The following KALRN variants were observed in gnomAD, a reference collection of about 807,000 sequenced individuals.
KALRN encodes kalirin RhoGEF kinase, also known as kalirin.
A neutral mutation model predicts 353.7 loss-of-function variants in KALRN; 70 were observed. The observed-to-expected ratio is 0.20, with a 90% CI of 0.16 to 0.24. The LOEUF is 0.24. Ranked by LOEUF, KALRN falls within the 10% of genes least tolerant of loss-of-function variation. The probability of loss-of-function intolerance (pLI) is 1.00; values close to 1 mark genes in which losing one functional copy is unlikely to be tolerated. For missense variants in KALRN, 2,791 were observed against 3,756.7 expected (o/e 0.74, Z 6.72); for synonymous variants, 1,391 against 1,434.8 (o/e 0.97, Z 0.69).
chr3:124,261,271 C>T (rs1481955385), intron 3 of KALRN, among the ~76,000 whole-genome samples: 2 of 152,126 alleles, frequency 1.3e-5, no homozygotes, highest in African/African-American at 4.8e-5. Flanking sequence ...TTTATGCCTC[C>T]ATTTCATCTT....
chr3:124,615,578 T>A (rs2078490909), intron 34 of KALRN, among the ~76,000 whole-genome samples: 1 of 152,196 alleles, frequency 6.6e-6, no homozygotes, highest in Non-Finnish European at 1.5e-5. Flanking sequence ...ATTGGAGGAA[T>A]CTGAGTAAAG....
chr3:124,105,566 A>T (rs1434378294), intron 1 of KALRN, among the ~76,000 whole-genome samples: 1 of 152,124 alleles, frequency 6.6e-6, no homozygotes, highest in Admixed American at 6.5e-5. Flanking sequence ...AGGACATAAT[A>T]ATTTCGTGGG....
At chr3:124,660,346 C>CCTTTGTCTTCCCT in intron 43 of KALRN, among the ~76,000 whole-genome samples, 1 of 152,132 alleles carries the variant, frequency 6.6e-6, no homozygotes, top group East Asian at 1.9e-4. Context: ...ATCCCCCTTT[C>CCTTTGTCTTCCCT]CTTTGTCTTC....
At chr3:124,446,919 C>A in intron 21 of KALRN, 34 bp downstream of exon 21, 1 of 1,605,282 alleles carries the variant, frequency 6.2e-7, no homozygotes, top group Non-Finnish European at 8.5e-7. Context: ...CCCAGATCCA[C>A]CCAGAACTCT....
chr3:124,639,388 C>A (rs1159332458), intron 37 of KALRN, among the ~76,000 whole-genome samples: 1 of 152,100 alleles, frequency 6.6e-6, no homozygotes, highest in Admixed American at 6.6e-5. Context: ...ATTTCATTTG[C>A]GTTTTACCTC....
chr3:124,129,789 C>T (rs2065081996), intron 1 of KALRN, among the ~76,000 whole-genome samples: 2 of 152,182 alleles, frequency 1.3e-5, no homozygotes, highest in Admixed American at 1.3e-4. Context: ...TTGGGCCTTG[C>T]TTTCCCCTCT....
chr3:124,396,205 G>A (rs2090134809), intron 12 of KALRN, among the ~76,000 whole-genome samples: 1 of 152,150 alleles, frequency 6.6e-6, no homozygotes, highest in Admixed American at 6.5e-5. Flanking sequence ...AATCTCATCA[G>A]CAAGTCCCAG....
At chr3:124,048,253 A>G (rs1438634019) in intron 1 of KALRN, among the ~76,000 whole-genome samples, 3 of 152,208 alleles carry the variant, frequency 2.0e-5, no homozygotes, top group African/African-American at 7.2e-5. Flanking sequence ...ACACAAAACA[A>G]AAGTATAAGA....
At chr3:124,373,589 C>G (rs7640816) in intron 10 of KALRN, among the ~76,000 whole-genome samples, 3,774 of 152,270 alleles carry the variant, frequency 0.025, 159 homozygotes, top group African/African-American at 0.085. Context: ...CCAGGCCTCT[C>G]TCTTAGCTTC....
chr3:124,244,801 T>A (rs1397125342), intron 3 of KALRN, among the ~76,000 whole-genome samples: 1 of 152,178 alleles, frequency 6.6e-6, no homozygotes, highest in Non-Finnish European at 1.5e-5. Context: ...TTCTTCGAGA[T>A]AAATCTGTAG....
At chr3:124,168,978 C>T (rs1044089474) in intron 1 of KALRN, among the ~76,000 whole-genome samples, 2 of 152,212 alleles carry the variant, frequency 1.3e-5, no homozygotes, top group African/African-American at 4.8e-5. Context: ...ACTAAGAGAG[C>T]ACAACTCTAA....
intron 48 of KALRN, among the ~76,000 whole-genome samples, chr3:124,673,049 A>G (rs911781019): frequency 2.0e-5 from 3 of 152,188 alleles, no homozygotes; most frequent in Non-Finnish European, 4.4e-5. Flanking sequence ...TTAAAAAACA[A>G]TCCTGCCTTT....
intron 10 of KALRN, among the ~76,000 whole-genome samples, chr3:124,363,148 C>T (rs1025115297): frequency 5.9e-5 from 9 of 152,034 alleles, no homozygotes; most frequent in African/African-American, 1.9e-4. Flanking sequence ...GGATTTACTC[C>T]AAGAAACTAC....
chr3:124,271,568 G>T (rs2074171650), intron 5 of KALRN, among the ~76,000 whole-genome samples: 1 of 152,222 alleles, frequency 6.6e-6, no homozygotes, highest in Non-Finnish European at 1.5e-5. Context: ...TCAGAGAGGT[G>T]AAGTGGCTGG....
chr3:124,280,071 A>G (rs2075186688), intron 5 of KALRN, among the ~76,000 whole-genome samples: 1 of 152,214 alleles, frequency 6.6e-6, no homozygotes, highest in African/African-American at 2.4e-5. Flanking sequence ...AAGTCCATGG[A>G]ATAACCAGTG....
intron 1 of KALRN, among the ~76,000 whole-genome samples, chr3:124,148,233 G>C (rs2067630011): frequency 6.6e-6 from 1 of 152,098 alleles, no homozygotes; most frequent in South Asian, 2.1e-4. Flanking sequence ...TAGATCAGAT[G>C]GCTTTAATGG....
intron 1 of KALRN, among the ~76,000 whole-genome samples, chr3:124,166,056 A>G (rs915209456): frequency 5.3e-5 from 8 of 151,998 alleles, no homozygotes; most frequent in Non-Finnish European, 4.4e-5. Context: ...CCTGCTCCCC[A>G]GCATTCAGGC....
chr3:124,244,529 G>C (rs956115566), intron 3 of KALRN, among the ~76,000 whole-genome samples: 1 of 152,166 alleles, frequency 6.6e-6, no homozygotes, highest in South Asian at 2.1e-4. Flanking sequence ...GAGCGACCGC[G>C]CCTGGCCTAG....
At chr3:124,423,578 T>C (rs147863722) in intron 15 of KALRN, among the ~76,000 whole-genome samples, 107 of 152,372 alleles carry the variant, frequency 7.0e-4, no homozygotes, top group African/African-American at 2.5e-3. Context: ...CAATGTCACA[T>C]TTTAAAAATA....
Sources: gnomAD v4.1 joint callset for allele counts (sites outside exome capture counted in the v4.1 genomes callset) on GRCh38, gnomAD v4.1.1 for gene constraint, MANE v1.5 for transcripts, NCBI Gene and HGNC (gene_info 2026-07-23, HGNC 2026-07-21) for gene names.